GABRA3: variants seen among roughly 807,000 people sequenced by gnomAD.
GABRA3 encodes the protein gamma-aminobutyric acid type A receptor subunit alpha3.
GABRA3 carries 10 observed loss-of-function variants against 30.1 expected under a neutral mutation model. The observed-to-expected ratio is 0.33, with a 90% confidence interval of 0.20 to 0.56. GABRA3 has a LOEUF of 0.56. GABRA3 is among the 20% of genes least tolerant of loss of function. The pLI is 0.89. For synonymous variants in GABRA3, 151 were observed against 146.8 expected (o/e 1.03, Z -0.21); for missense variants, 233 against 392.0 (o/e 0.59, Z 3.42).
chrX:152,392,581 A>T (rs1424003902), intron 1 of GABRA3, among the ~76,000 whole-genome samples: 2 of 111,904 alleles, frequency 1.8e-5, no homozygotes, highest in East Asian at 5.7e-4. Context: ...TGAGAAAATA[A>T]TCATAAGTGG....
chrX:152,433,705 C>A (rs1363963726), intron 1 of GABRA3, among the ~76,000 whole-genome samples: 4 of 62,624 alleles, frequency 6.4e-5, no homozygotes, highest in Admixed American at 2.0e-4. Context: ...TGAAGGAAGA[C>A]CAAAAAAAAA....
At chrX:152,333,998 T>C (rs1398592250) in intron 3 of GABRA3, among the ~76,000 whole-genome samples, 2 of 111,592 alleles carry the variant, frequency 1.8e-5, no homozygotes, top group Admixed American at 9.5e-5. Flanking sequence ...ATATCAAACC[T>C]ATCATAAATA....
intron 1 of GABRA3, among the ~76,000 whole-genome samples, chrX:152,374,095 A>C (rs1463555407): frequency 1.8e-5 from 2 of 110,917 alleles, no homozygotes; most frequent in African/African-American, 6.6e-5. Context: ...TGTTGGCCAC[A>C]TGAATGTCTT....
intron 9 of GABRA3, among the ~76,000 whole-genome samples, chrX:152,176,111 G>A (rs1404167689): frequency 3.8e-5 from 4 of 104,416 alleles, no homozygotes; most frequent in African/African-American, 1.4e-4. Flanking sequence ...TAAATAAATA[G>A]AATCATCAAG....
At chrX:152,246,759 C>G (rs5970245) in intron 5 of GABRA3, among the ~76,000 whole-genome samples, 12,003 of 110,767 alleles carry the variant, frequency 0.11, 1,287 homozygotes, top group East Asian at 0.37. Context: ...TACTTCTGTT[C>G]ATTAGAGTGA....
chrX:152,324,512 T>C (rs1305572959), intron 3 of GABRA3, among the ~76,000 whole-genome samples: 5 of 112,053 alleles, frequency 4.5e-5, no homozygotes, highest in Admixed American at 1.9e-4. Context: ...TTATGCTACA[T>C]GGAAAAATTA....
intron 4 of GABRA3, among the ~76,000 whole-genome samples, chrX:152,263,197 T>C (rs957806632): frequency 7.2e-5 from 8 of 110,476 alleles, no homozygotes; most frequent in Non-Finnish European, 1.5e-4. Flanking sequence ...AGATGAGTTT[T>C]GGGTGGGGAC....
At chrX:152,408,251 G>A (rs1015856006) in intron 1 of GABRA3, among the ~76,000 whole-genome samples, 2 of 110,936 alleles carry the variant, frequency 1.8e-5, no homozygotes, top group Non-Finnish European at 3.8e-5. Flanking sequence ...AAGAAATAAG[G>A]GGCATACAAA....
chrX:152,364,585 A>C lies in GABRA3; in HGVS notation c.-15T>G. ...GTGATTATCATCTTCTTAGGCACAAACTTGGAGAGACCTGTGAGATTCACA... is the reference window on the plus strand; with the variant it reads ...GTGATTATCATCTTCTTAGGCACAACCTTGGAGAGACCTGTGAGATTCACA... On this transcript the variant is annotated 5_prime_UTR_variant, in exon 2 of 10. Transcript: ENST00000370314. 8.4e-7 allele frequency: 1 copy of C among 1,193,310 alleles called. No homozygotes were observed. The highest frequency in any genetic ancestry group is 1.1e-6 in the Non-Finnish European group (1 of 883,735).
intron 3 of GABRA3, among the ~76,000 whole-genome samples, chrX:152,308,961 T>TA (rs1161057298): frequency 8.9e-6 from 1 of 112,360 alleles, no homozygotes; most frequent in Non-Finnish European, 1.9e-5. Flanking sequence ...CTAATAGAGC[T>TA]AAAAAACTCA....
chrX:152,173,813 A>G (rs986802544), intron 9 of GABRA3, among the ~76,000 whole-genome samples: 4 of 110,044 alleles, frequency 3.6e-5, no homozygotes, highest in Non-Finnish European at 7.6e-5. Flanking sequence ...ATTATACTTT[A>G]AGTTTTAGGG....
intron 9 of GABRA3, among the ~76,000 whole-genome samples, chrX:152,179,916 A>T (rs1003364103): frequency 9.0e-5 from 10 of 111,585 alleles, no homozygotes; most frequent in Admixed American, 3.8e-4. Flanking sequence ...TAAAGGCTGA[A>T]TAGTATTCCA....
chrX:152,253,008 C>A (rs1430156710), intron 5 of GABRA3, among the ~76,000 whole-genome samples: 1 of 112,077 alleles, frequency 8.9e-6, no homozygotes, highest in Admixed American at 9.5e-5. Context: ...AAGTGTAGTA[C>A]TACTTTGCAT....
rs147016124 is a variant in GABRA3, at chrX:152,366,175, G to A, written c.-26-1579C>T. Among the ~76,000 whole-genome samples, 517 of 111,651 alleles carry A rather than the reference G, an allele frequency of 4.6e-3. 2 individuals carry two copies. The Middle Eastern group carries it at 0.069, about 15-fold the overall frequency. On this transcript the variant is annotated intron_variant, in intron 1 of 9. Transcript: ENST00000370314. ...GGTAAGGGCAGTAACCATGATATACGCTCAAACATTCACAGTGCTTTAGCA... is the reference window on the plus strand; with the variant it reads ...GGTAAGGGCAGTAACCATGATATACACTCAAACATTCACAGTGCTTTAGCA...
intron 6 of GABRA3, among the ~76,000 whole-genome samples, chrX:152,220,330 C>A (rs1937808161): frequency 8.9e-6 from 1 of 111,738 alleles, no homozygotes; most frequent in Admixed American, 9.5e-5. Context: ...ATTCTATATA[C>A]ACTTATGTGT....
intron 1 of GABRA3, among the ~76,000 whole-genome samples, chrX:152,400,707 G>A (rs949237405): frequency 9.0e-6 from 1 of 111,214 alleles, no homozygotes; most frequent in Admixed American, 9.6e-5. Context: ...GGATTACCCA[G>A]GTGGGTCCAA....
intron 5 of GABRA3, among the ~76,000 whole-genome samples, chrX:152,243,902 A>G (rs1199337908): frequency 8.9e-6 from 1 of 112,039 alleles, no homozygotes; most frequent in Non-Finnish European, 1.9e-5. Context: ...AGGGTAAATA[A>G]TTTCTTTCTA....
At chrX:152,269,998 C>A (rs1938899461) in intron 4 of GABRA3, among the ~76,000 whole-genome samples, 1 of 112,009 alleles carries the variant, frequency 8.9e-6, no homozygotes, top group Admixed American at 9.5e-5. Context: ...AAGTGGATTA[C>A]ATCAAGTTCA....
intron 1 of GABRA3, among the ~76,000 whole-genome samples, chrX:152,397,827 G>A (rs1305876436): frequency 9.0e-6 from 1 of 110,723 alleles, no homozygotes; most frequent in Admixed American, 9.6e-5. Context: ...CCACCTTATC[G>A]AGCTGTCGGG....
Sources: gnomAD v4.1 joint callset for allele counts (sites outside exome capture counted in the v4.1 genomes callset) on GRCh38, gnomAD v4.1.1 for gene constraint, MANE v1.5 for transcripts, NCBI Gene and HGNC (gene_info 2026-07-23, HGNC 2026-07-21) for gene names.